Variants in CHRNB3 observed in about 807,000 individuals in gnomAD.
CHRNB3 encodes neuronal acetylcholine receptor subunit beta-3.
A neutral mutation model predicts 40.6 loss-of-function variants in CHRNB3; 37 were observed. The observed-to-expected ratio is 0.91, with a 90% CI of 0.70 to 1.20. CHRNB3 has a LOEUF of 1.20. Ranked by LOEUF, CHRNB3 falls within the 50% of genes most tolerant of loss-of-function variation. CHRNB3 has a pLI of 0.00. For missense variants in CHRNB3, 505 were observed against 551.2 expected (o/e 0.92, Z 0.84); for synonymous variants, 207 against 207.1 (o/e 1.00, Z 0.00).
At chr8:42,707,608 G>A (rs750136873) in intron 1 of CHRNB3, among the ~76,000 whole-genome samples, 1 of 152,170 alleles carries the variant, frequency 6.6e-6, no homozygotes, top group Non-Finnish European at 1.5e-5. Context: ...GGCATTGTAA[G>A]GAAATAGAAC....
At chr8:42,728,816 A>G (rs1199818987) in intron 3 of CHRNB3, among the ~76,000 whole-genome samples, 1 of 152,188 alleles carries the variant, frequency 6.6e-6, no homozygotes, top group African/African-American at 2.4e-5. Flanking sequence ...TGTAAACCAA[A>G]GAGTGAATTT....
intron 3 of CHRNB3, chr8:42,722,082 A>C (rs1816226111): frequency 6.6e-6 from 1 of 152,048 alleles, no homozygotes; most frequent in Non-Finnish European, 1.5e-5. Context: ...TTACATAAAG[A>C]TCTCTTGGTG....
At position 42,731,746 on chromosome 8, in the gene CHRNB3, G is replaced by A. The variant is rs185338940; in HGVS notation, c.439G>A (p.Ala147Thr). The A allele has an allele frequency of 4.3e-6, 7 of 1,613,850 alleles. No individual in the cohort carries two copies. The Admixed American group carries it at 6.7e-5, about 15-fold the overall frequency. Residue 147 changes from alanine to threonine, a missense_variant, in exon 5 of 6, where the codon GCC becomes ACC. Coordinates refer to ENST00000289957, the MANE Select transcript of CHRNB3 (RefSeq NM_000749.5). ...CGGAACTGTTGTCTGGACCCCTCCC[G>A]CCAGCTACAAAAGCTCCTGCACCAT... Reference protein sequence around the residue: ...SNGTVVWTPPASYKSSCTMDV... With the variant: ...SNGTVVWTPPTSYKSSCTMDV...
At chr8:42,708,982 T>C (rs2128905346) in intron 2 of CHRNB3, 114 bp downstream of exon 2, 2 of 1,189,256 alleles carry the variant, frequency 1.7e-6, no homozygotes, top group Non-Finnish European at 2.3e-6. Flanking sequence ...AATAATTTAC[T>C]GTGAGAGAAA....
At chr8:42,700,950 G>T (rs1052733802) in intron 1 of CHRNB3, among the ~76,000 whole-genome samples, 1 of 152,040 alleles carries the variant, frequency 6.6e-6, no homozygotes, top group African/African-American at 2.4e-5. Context: ...TAAAGAGACT[G>T]GTCGGGTGTG....
chr8:42,704,698 G>GTGTGTGTGTGTGTA (rs1375456627), intron 1 of CHRNB3, among the ~76,000 whole-genome samples: 1,575 of 152,286 alleles, frequency 0.01, 28 homozygotes, highest in African/African-American at 0.036. Flanking sequence ...GTGTGTGTGT[G>GTGTGTGTGTGTGTA]TGCTTGCATG....
Position 42,703,435 on chromosome 8 carries a change from A to AAAAAAAAAAAAATATAT in CHRNB3, c.53-5281_53-5280insAAAAAAAAAAATATATA. ...CAAGACTTCGTCTAAAAAAAAAAAAAATATTTATATATATATATATATATA... is the reference window on the plus strand; with the variant it reads ...CAAGACTTCGTCTAAAAAAAAAAAAAAAAAAAAAAAAATATATATATTTATATATATATATATATATA... On this transcript the variant is annotated intron_variant, in intron 1 of 5. Transcript: ENST00000289957. 4.2e-5 allele frequency among the ~76,000 whole-genome samples: 2 copies of AAAAAAAAAAAAATATAT among 47,398 alleles called. 1 individual carries two copies. The highest frequency in any genetic ancestry group is 9.3e-5 in the Non-Finnish European group (2 of 21,538). The allele number at this position is 47,398 out of a possible 152,430, so 31.1% of individuals were successfully genotyped here.
rs1350579314 is a variant in CHRNB3 at position 42,731,089 on chromosome 8, TAAA to T, written c.359+390_359+392del. ...ATAAATAAATAAATAAATAAATAAA[TAAA>T]AAATAAAAAGTGAAAAAAAGGAAAG... On this transcript the variant is annotated intron_variant, in intron 4 of 5. Coordinates refer to ENST00000289957, the MANE Select transcript of CHRNB3 (RefSeq NM_000749.5). 6.2e-4 allele frequency among the ~76,000 whole-genome samples: 62 copies of T among 100,726 alleles called. 3 individuals carry two copies. The highest frequency in any genetic ancestry group is 1.7e-3 in the South Asian group (5 of 3,026). The allele number at this position is 100,726 out of a possible 152,430, so 66.1% of individuals were successfully genotyped here.
At chr8:42,733,907 C>T (rs911118670) in intron 5 of CHRNB3, among the ~76,000 whole-genome samples, 2 of 149,702 alleles carry the variant, frequency 1.3e-5, no homozygotes, top group African/African-American at 4.9e-5. Flanking sequence ...TTCTTCTAAA[C>T]AGTCCTTCCC....
chr8:42,722,187 G>C (rs1056117748), intron 3 of CHRNB3, among the ~76,000 whole-genome samples: 1 of 151,860 alleles, frequency 6.6e-6, no homozygotes, highest in Non-Finnish European at 1.5e-5. Context: ...CAGCCTGACC[G>C]ACATGGCAAA....
In CHRNB3 at chr8:42,732,036, C is replaced by G. The variant is rs1474406892; in HGVS notation, c.729C>G (p.Pro243=). The change falls in exon 5 of 6, where the codon CCC becomes CCG. Residue 243 remains proline (P), a synonymous_variant. Coordinates refer to ENST00000289957, the MANE Select transcript of CHRNB3 (RefSeq NM_000749.5). ...PLFYTLFLII[P]CLGLSFLTVL... is the part of the protein sequence containing the mutation. Reference sequence around the variant, plus strand: ...TCTATACCCTCTTTCTCATCATCCCCTGCCTGGGGCTGTCTTTCCTAACAG... The same window carrying G: ...TCTATACCCTCTTTCTCATCATCCCGTGCCTGGGGCTGTCTTTCCTAACAG... The G allele has an allele frequency of 6.2e-7, 1 of 1,614,106 alleles. No homozygotes were observed. Among genetic ancestry groups the G allele is most frequent in the Non-Finnish European group, 8.5e-7 (1 of 1,180,024 alleles).
intron 3 of CHRNB3, among the ~76,000 whole-genome samples, chr8:42,713,602 G>C (rs1816055074): frequency 6.6e-6 from 1 of 152,126 alleles, no homozygotes; most frequent in Non-Finnish European, 1.5e-5. Context: ...GTGAAGTCTA[G>C]GCTTCTAGTG....
intron 1 of CHRNB3, among the ~76,000 whole-genome samples, chr8:42,701,558 G>T (rs1283196147): frequency 2.0e-5 from 3 of 152,032 alleles, no homozygotes; most frequent in Admixed American, 2.0e-4. Context: ...AAAATAAAAA[G>T]AATAAAGAGA....
chr8:42,699,031 A>T lies in CHRNB3; in HGVS notation c.52+1433A>T, dbSNP rs529892581. ...TCTATAATAAATCTAATAACCTGTGATAAATCTTACATCTGTATTTCTAGA... is the reference window on the plus strand; with the variant it reads ...TCTATAATAAATCTAATAACCTGTGTTAAATCTTACATCTGTATTTCTAGA... On this transcript the variant is annotated intron_variant, in intron 1 of 5. Coordinates refer to ENST00000289957, the MANE Select transcript of CHRNB3 (RefSeq NM_000749.5). 9.2e-5 allele frequency among the ~76,000 whole-genome samples: 14 copies of T among 152,342 alleles called. No individual in the cohort carries two copies. In the East Asian group the frequency reaches 2.7e-3, roughly 29 times the overall value.
At chr8:42,706,879 G>C (rs1231806206) in intron 1 of CHRNB3, among the ~76,000 whole-genome samples, 1 of 152,104 alleles carries the variant, frequency 6.6e-6, no homozygotes, top group Non-Finnish European at 1.5e-5. Flanking sequence ...TCCTGCCCCA[G>C]CCTCCCAAGT....
chr8:42,697,428 C>A lies in CHRNB3; in HGVS notation c.-119C>A. ...TTTATTCCACTCCAGGTGTTGCTGT[C>A]CTCTTGGGTTCCACTTCGGATTTTG... On this transcript the variant is annotated 5_prime_UTR_variant, in exon 1 of 6. Transcript: ENST00000289957. The A allele has an allele frequency of 1.3e-6, 1 of 786,990 alleles. No individual in the cohort carries two copies. Among genetic ancestry groups the A allele is most frequent in the Non-Finnish European group, 2.2e-6 (1 of 448,834 alleles). The allele number at this position is 786,990 out of a possible 1,614,324, so 48.8% of individuals were successfully genotyped here.
intron 3 of CHRNB3, among the ~76,000 whole-genome samples, chr8:42,716,238 G>T (rs62516751): frequency 6.6e-6 from 1 of 152,092 alleles, no homozygotes; most frequent in Admixed American, 6.5e-5. Context: ...TGGCCTCCCA[G>T]AGTGCTGGGA....
intron 3 of CHRNB3, among the ~76,000 whole-genome samples, chr8:42,727,696 C>G (rs1043487871): frequency 3.9e-5 from 6 of 152,060 alleles, no homozygotes; most frequent in Admixed American, 3.3e-4. Flanking sequence ...AACCCCATCT[C>G]TACTAAAAAT....
intron 1 of CHRNB3, among the ~76,000 whole-genome samples, chr8:42,700,441 C>A (rs1051037491): frequency 5.9e-5 from 9 of 152,080 alleles, no homozygotes; most frequent in African/African-American, 2.2e-4. Flanking sequence ...CCTGCCTCAG[C>A]CTCCCGAGTA....
Sources: allele counts gnomAD v4.1 joint callset (sites outside exome capture counted in the v4.1 genomes callset), GRCh38; gene constraint gnomAD v4.1.1; transcripts MANE v1.5; gene names NCBI Gene and HGNC (gene_info 2026-07-23, HGNC 2026-07-21).